The following PPP2R2B variants were observed in gnomAD, a reference collection of about 807,000 sequenced individuals.
PPP2R2B encodes the protein protein phosphatase 2 regulatory subunit Bbeta, also known as serine/threonine-protein phosphatase 2A 55 kDa regulatory subunit B beta isoform.
PPP2R2B carries 5 observed loss-of-function variants against 46.0 expected under a neutral mutation model. The observed-to-expected ratio is 0.11, with a 90% CI of 0.06 to 0.23. The LOEUF (loss-of-function observed/expected upper bound fraction) is 0.23, where lower values mean the gene tolerates loss of function less well. Among genes scored for constraint, PPP2R2B ranks in the 10% least tolerant of loss-of-function variants. The pLI is 1.00. For synonymous variants in PPP2R2B, 215 were observed against 206.7 expected (o/e 1.04, Z -0.34); for missense variants, 367 against 575.0 (o/e 0.64, Z 3.70).
chr5:147,036,270 G>A (rs1433152954), intron 1 of PPP2R2B, among the ~76,000 whole-genome samples: 1 of 152,084 alleles, frequency 6.6e-6, no homozygotes, highest in East Asian at 1.9e-4. Context: ...GCAGTATTTG[G>A]TTTTCTGTTC....
intron 1 of PPP2R2B, among the ~76,000 whole-genome samples, chr5:147,050,332 A>C (rs895985316): frequency 2.6e-5 from 4 of 152,142 alleles, no homozygotes; most frequent in Admixed American, 2.6e-4. Context: ...TAAGATGAGA[A>C]TGATGGATGA....
intron 7 of PPP2R2B, among the ~76,000 whole-genome samples, chr5:146,629,893 A>G (rs892499587): frequency 7.2e-5 from 11 of 152,062 alleles, no homozygotes; most frequent in Non-Finnish European, 8.8e-5. Flanking sequence ...GGCTCACTGC[A>G]ACCTCTGCCT....
intron 2 of PPP2R2B, among the ~76,000 whole-genome samples, chr5:146,875,391 CAGAG>C (rs1422740344): frequency 6.6e-6 from 1 of 151,910 alleles, no homozygotes; most frequent in African/African-American, 2.4e-5. Flanking sequence ...TTGAGAAAGA[CAGAG>C]AGAGAGAAAG....
At chr5:147,007,583 G>C (rs944267587) in intron 1 of PPP2R2B, among the ~76,000 whole-genome samples, 1 of 152,158 alleles carries the variant, frequency 6.6e-6, no homozygotes, top group African/African-American at 2.4e-5. Context: ...CACTATGGAA[G>C]ATTTGTTCTT....
At chr5:146,921,213 A>G (rs1270232791) in intron 1 of PPP2R2B, among the ~76,000 whole-genome samples, 2 of 152,236 alleles carry the variant, frequency 1.3e-5, no homozygotes, top group Non-Finnish European at 2.9e-5. Context: ...AAAAGATATC[A>G]TGTCTTATTA....
At chr5:146,967,147 A>G (rs1282508469) in intron 1 of PPP2R2B, among the ~76,000 whole-genome samples, 2 of 152,188 alleles carry the variant, frequency 1.3e-5, no homozygotes, top group Non-Finnish European at 2.9e-5. Context: ...TTTCACTGCA[A>G]CATACTGCCC....
At chr5:146,897,726 AT>A (rs1256333753) in intron 1 of PPP2R2B, among the ~76,000 whole-genome samples, 3 of 152,192 alleles carry the variant, frequency 2.0e-5, no homozygotes, top group Non-Finnish European at 4.4e-5. Flanking sequence ...CCTAATTTGT[AT>A]GTGCAGAAAC....
intron 1 of PPP2R2B, among the ~76,000 whole-genome samples, chr5:146,934,583 G>GAAAAAAAAAA (rs3062352): frequency 3.2e-5 from 1 of 31,490 alleles, no homozygotes; most frequent in Non-Finnish European, 6.5e-5. Flanking sequence ...TTTTTCATAA[G>GAAAAAAAAAA]AAAAAAAAAA....
chr5:146,817,305 A>G (rs1432892), intron 2 of PPP2R2B, among the ~76,000 whole-genome samples: 8,209 of 152,080 alleles, frequency 0.054, 334 homozygotes, highest in Admixed American at 0.12. Flanking sequence ...AGCCTAAGAC[A>G]TTTTTCTCTT....
chr5:147,004,288 C>T (rs770329294), intron 1 of PPP2R2B, among the ~76,000 whole-genome samples: 48 of 152,238 alleles, frequency 3.2e-4, no homozygotes, highest in Admixed American at 9.8e-4. Context: ...CCCCAGAGGG[C>T]AAAGCTTCTC....
intron 1 of PPP2R2B, among the ~76,000 whole-genome samples, chr5:146,981,928 C>CT (rs759609748): frequency 4.6e-5 from 7 of 152,192 alleles, no homozygotes; most frequent in Non-Finnish European, 7.3e-5. Flanking sequence ...AAGTCAAACC[C>CT]TAACCTCTGC....
chr5:146,882,383 C>T (rs2151423252), upstream of PPP2R2B, among the ~76,000 whole-genome samples: 1 of 152,182 alleles, frequency 6.6e-6, no homozygotes, highest in East Asian at 1.9e-4. Context: ...CGTGAACTTT[C>T]TTAGCAATAC....
intron 7 of PPP2R2B, among the ~76,000 whole-genome samples, chr5:146,629,565 T>C (rs1416886221): frequency 6.6e-6 from 1 of 152,144 alleles, no homozygotes; most frequent in Non-Finnish European, 1.5e-5. Context: ...TTTAAGATCA[T>C]AAACAGTATT....
At chr5:146,856,116 T>C (rs994961988) in intron 2 of PPP2R2B, among the ~76,000 whole-genome samples, 1 of 152,206 alleles carries the variant, frequency 6.6e-6, no homozygotes, top group African/African-American at 2.4e-5. Context: ...TCTTTTTCTT[T>C]GTTTGAGCAG....
chr5:146,783,373 G>C (rs1301521940), intron 2 of PPP2R2B, among the ~76,000 whole-genome samples: 1 of 152,122 alleles, frequency 6.6e-6, no homozygotes, highest in Non-Finnish European at 1.5e-5. Flanking sequence ...TCATTTAAAA[G>C]ATATATGCAT....
intron 1 of PPP2R2B, among the ~76,000 whole-genome samples, chr5:146,955,801 CAG>C (rs1355531969): frequency 8.5e-6 from 1 of 117,972 alleles, no homozygotes; most frequent in Non-Finnish European, 1.7e-5. Context: ...TTTTTTGAGA[CAG>C]AGTCTTGCTC....
chr5:146,944,755 G>A (rs1440729823), intron 1 of PPP2R2B, among the ~76,000 whole-genome samples: 1 of 151,888 alleles, frequency 6.6e-6, no homozygotes, highest in Non-Finnish European at 1.5e-5. Context: ...CTCCACCCTT[G>A]GTAGTCCTCA....
At chr5:146,993,227 G>T (rs978038333) in intron 1 of PPP2R2B, among the ~76,000 whole-genome samples, 1 of 149,148 alleles carries the variant, frequency 6.7e-6, no homozygotes, top group Non-Finnish European at 1.5e-5. Flanking sequence ...ACAGGTGTGA[G>T]TCAATGGTCC....
chr5:146,884,561 G>T (rs752451775), intron 1 of PPP2R2B, among the ~76,000 whole-genome samples: 17 of 152,130 alleles, frequency 1.1e-4, no homozygotes, highest in Admixed American at 3.9e-4. Context: ...AATATCTACT[G>T]TGCGTGATTT....
Sources: allele counts gnomAD v4.1 joint callset (sites outside exome capture counted in the v4.1 genomes callset), GRCh38; gene constraint gnomAD v4.1.1; transcripts MANE v1.5; gene names NCBI Gene and HGNC (gene_info 2026-07-23, HGNC 2026-07-21).